Variants in SHOX observed in about 807,000 individuals in gnomAD.
The protein encoded by SHOX is SHOX homeobox, also known as short stature homeobox protein.
SHOX carries 12 observed loss-of-function variants against 29.6 expected under a neutral mutation model. The observed-to-expected ratio is 0.41, with a 90% CI of 0.26 to 0.66. The LOEUF is 0.66. SHOX is among the 30% of genes least tolerant of loss of function. The probability of loss-of-function intolerance (pLI) is 0.35; values close to 1 mark genes in which losing one functional copy is unlikely to be tolerated. For missense variants in SHOX, 499 were observed against 437.7 expected (o/e 1.14, Z -1.25); for synonymous variants, 214 against 200.6 (o/e 1.07, Z -0.57).
upstream of SHOX, chrX:630,790 C>A (rs2052632570): frequency 9.0e-6 from 12 of 1,331,956 alleles, 1 homozygote; most frequent in Non-Finnish European, 1.3e-5. Context: ...AATGGAAAGG[C>A]GTAAATAACA....
rs758757973 is a variant in SHOX, at chrX:634,678, C to A, written c.338C>A (p.Thr113Asn). 1.2e-6 allele frequency: 2 copies of A among 1,613,920 alleles called. No individual in the cohort carries two copies. Among genetic ancestry groups the A allele is most frequent in the South Asian group, 2.2e-5 (2 of 91,074 alleles). Residue 113 changes from threonine (T) to asparagine (N), a missense_variant, in exon 2 of 5, where the codon ACC becomes AAC. Transcript: ENST00000686671. Reference protein sequence around the residue: ...DVKSEDEDGQTKLKQRRSRTN... With the variant: ...DVKSEDEDGQNKLKQRRSRTN... ...AAGTCGGAGGACGAGGACGGGCAGA[C>A]CAAGCTGAAACAGAGGCGCAGCCGC...
intron 5 of SHOX, among the ~76,000 whole-genome samples, chrX:657,760 C>A (rs2053167548): frequency 6.6e-6 from 1 of 152,140 alleles, no homozygotes. Context: ...ATACGACGTG[C>A]ACACACAGAG....
chrX:639,870 G>A (rs2052820107), intron 2 of SHOX, among the ~76,000 whole-genome samples: 1 of 150,674 alleles, frequency 6.6e-6, no homozygotes, highest in African/African-American at 2.4e-5. Context: ...GCATGGTGGT[G>A]AGCACCTGTA....
At position 637,950 on chromosome X, in the gene SHOX, A is replaced by G. The variant is rs1246769286; in HGVS notation, c.487-2871A>G. Among the ~76,000 whole-genome samples the G allele has an allele frequency of 5.3e-5, 8 of 152,336 alleles. No homozygotes were observed. The South Asian group carries it at 1.7e-3, about 32-fold the overall frequency. On this transcript the variant is annotated intron_variant, in intron 2 of 4. Coordinates refer to ENST00000686671, the MANE Select transcript of SHOX (RefSeq NM_000451.4). ...CACCCAGCTGTCAGGCTTCTAATCG[A>G]AAGTTATGAGACCACGGTGAGGGGC...
chrX:635,023 G>C (rs1362759872), intron 2 of SHOX, among the ~76,000 whole-genome samples, 197 bp downstream of exon 2: 1 of 152,088 alleles, frequency 6.6e-6, no homozygotes, highest in Non-Finnish European at 1.5e-5. Context: ...CATTGCGTTT[G>C]TTTTTCACCA....
chrX:634,610 C>T lies in SHOX; in HGVS notation c.278-8C>T, dbSNP rs777748934. 1.2e-5 allele frequency: 19 copies of T among 1,613,144 alleles called. No homozygotes were observed. The highest frequency in any genetic ancestry group is 8.8e-5 in the South Asian group (8 of 90,980). ...GCCTCAGCCCTGTGCCCTCCGCTCCCCACGCAGGGATTTATGAATGCAAAG... is the reference window on the plus strand; with the variant it reads ...GCCTCAGCCCTGTGCCCTCCGCTCCTCACGCAGGGATTTATGAATGCAAAG... On this transcript the variant is annotated splice_region_variant and splice_polypyrimidine_tract_variant and intron_variant, in intron 1 of 4. Transcript: ENST00000686671.
chrX:625,057 TCCTC>T (rs1233181051), intron 1 of SHOX, among the ~76,000 whole-genome samples: 4 of 97,044 alleles, frequency 4.1e-5, no homozygotes, highest in Admixed American at 1.2e-4. Context: ...CTCTGTTCCT[TCCTC>T]CCTCCCTCCC....
intron 1 of SHOX, 107 bp downstream of exon 1, chrX:631,281 C>T: frequency 2.1e-6 from 3 of 1,403,858 alleles, no homozygotes; most frequent in South Asian, 2.3e-5. Flanking sequence ...TTGCAGCTCC[C>T]GTCTCGCCAG....
Position 650,481 on chromosome X carries a change from C to T in SHOX, c.*5845C>T, listed in dbSNP as rs1250649477. 5.9e-5 allele frequency among the ~76,000 whole-genome samples: 9 copies of T among 152,040 alleles called. No individual in the cohort carries two copies. The highest frequency in any genetic ancestry group is 8.8e-5 in the Non-Finnish European group (6 of 68,010). On this transcript the variant is annotated 3_prime_UTR_variant, in exon 5 of 5. Transcript: ENST00000686671. Reference sequence around the variant, plus strand: ...GTCTGGGGACAGCTGGGCGTTTAACCGAAATGAAGCCGAGACGGGTTTCAG... The same window carrying T: ...GTCTGGGGACAGCTGGGCGTTTAACTGAAATGAAGCCGAGACGGGTTTCAG...
chrX:625,807 C>CTCTG (rs1438956018), upstream of SHOX, among the ~76,000 whole-genome samples: 1 of 146,866 alleles, frequency 6.8e-6, no homozygotes, highest in African/African-American at 2.6e-5. Context: ...CTCTCTGTGT[C>CTCTG]TCTGTCTCTG....
chrX:652,985 C>A (rs1030879174), downstream of SHOX, among the ~76,000 whole-genome samples: 3 of 152,242 alleles, frequency 2.0e-5, no homozygotes, highest in African/African-American at 7.2e-5. Flanking sequence ...TCACGCCTGT[C>A]ATCCCAGCAC....
Position 630,815 on chromosome X carries a change from C to A in SHOX, c.-83C>A. ...CGTAAATAACAGCGCTGGTGATCCA[C>A]CCGCGCGCACGGGCCGTCCTCTCCG... is the stretch of plus-strand genomic sequence containing the variant. On this transcript the variant is annotated 5_prime_UTR_variant, in exon 1 of 5. Transcript: ENST00000686671. 6.5e-7 allele frequency: 1 copy of A among 1,549,674 alleles called. No homozygotes were observed. Among genetic ancestry groups the A allele is most frequent in the Non-Finnish European group, 8.9e-7 (1 of 1,127,090 alleles).
chrX:630,891 C>CCCAGCCAT lies in SHOX; in HGVS notation c.-6_2dup, dbSNP rs2052635191. 1 of 1,612,882 alleles carries CCCAGCCAT rather than the reference C, an allele frequency of 6.2e-7. No homozygotes were observed. The highest frequency in any genetic ancestry group is 1.3e-5 in the African/African-American group (1 of 74,910). Reference sequence around the variant, plus strand: ...GCCCCGGCTGCTCGCCAGCCCCGGCCCCAGCCATGGAAGAGCTCACGGCTT... The same window carrying CCCAGCCAT: ...GCCCCGGCTGCTCGCCAGCCCCGGCCCCAGCCATCCAGCCATGGAAGAGCTCACGGCTT... On this transcript the variant is annotated 5_prime_UTR_variant, in exon 1 of 5. Coordinates refer to ENST00000686671, the MANE Select transcript of SHOX (RefSeq NM_000451.4).
chrX:659,180 G>A (rs1163456481), exon 6 of SHOX: 3 of 151,270 alleles, frequency 2.0e-5, no homozygotes, highest in African/African-American at 4.9e-5. Flanking sequence ...CAAACTCCTG[G>A]GCTCAAGCAA....
intron 1 of SHOX, among the ~76,000 whole-genome samples, chrX:625,038 C>A: frequency 8.1e-6 from 1 of 123,638 alleles, no homozygotes; most frequent in African/African-American, 3.4e-5. Flanking sequence ...CCCTCCTTTC[C>A]TTTCCTCCCT....
intron 4 of SHOX, among the ~76,000 whole-genome samples, chrX:642,418 G>T (rs756428754): frequency 1.3e-5 from 2 of 152,204 alleles, no homozygotes; most frequent in East Asian, 3.9e-4. Flanking sequence ...AGGGACTTGG[G>T]GGGTGGCGGT....
At chrX:631,231 C>A in intron 1 of SHOX, 57 bp downstream of exon 1, 2 of 1,596,102 alleles carry the variant, frequency 1.3e-6, no homozygotes, top group South Asian at 1.1e-5. Flanking sequence ...GGCGCCTCCT[C>A]GCCACGGAGT....
intron 1 of SHOX, among the ~76,000 whole-genome samples, chrX:624,842 CCTCT>C (rs1467189156): frequency 1.6e-5 from 2 of 128,934 alleles, no homozygotes; most frequent in Non-Finnish European, 3.4e-5. Flanking sequence ...TTCCTTCCTT[CCTCT>C]CTTCCTCTTT....
intron 1 of SHOX, among the ~76,000 whole-genome samples, chrX:633,233 C>T (rs902498005): frequency 2.6e-5 from 4 of 151,970 alleles, no homozygotes; most frequent in African/African-American, 9.7e-5. Flanking sequence ...CCCCGCCGAG[C>T]CTGGGAGCCC....
Sources: gnomAD v4.1 joint callset for allele counts (sites outside exome capture counted in the v4.1 genomes callset) on GRCh38, gnomAD v4.1.1 for gene constraint, MANE v1.5 for transcripts, NCBI Gene and HGNC (gene_info 2026-07-23, HGNC 2026-07-21) for gene names.